Variants in ADAM19 observed in about 807,000 individuals in gnomAD.
ADAM19 encodes the protein disintegrin and metalloproteinase domain-containing protein 19.
ADAM19 carries 65 observed loss-of-function variants against 114.7 expected under a neutral mutation model. That is an observed-to-expected ratio of 0.57 (90% CI 0.46 to 0.70). The LOEUF (loss-of-function observed/expected upper bound fraction) is 0.70. Ranked by LOEUF, ADAM19 falls within the 30% of genes least tolerant of loss-of-function variation. ADAM19 has a pLI of 0.00. For missense variants in ADAM19, 1,063 were observed against 1,204.7 expected (o/e 0.88, Z 1.74); for synonymous variants, 466 against 460.5 (o/e 1.01, Z -0.15).
chr5:157,554,736 G>A (rs1317652848), intron 3 of ADAM19, among the ~76,000 whole-genome samples: 1 of 152,174 alleles, frequency 6.6e-6, no homozygotes, highest in Non-Finnish European at 1.5e-5. Flanking sequence ...TGCTCTCATA[G>A]TGCACCAGGC....
chr5:157,492,029 C>A (rs1027016508), intron 16 of ADAM19, 117 bp from the exon 17 acceptor site: 14 of 902,818 alleles, frequency 1.6e-5, no homozygotes, highest in Non-Finnish European at 2.4e-5. Flanking sequence ...TGGTGGCTCA[C>A]GCCTGTAATC....
chr5:157,571,114 C>G, intron 1 of ADAM19, 134 bp from the exon 2 acceptor site: 2 of 680,936 alleles, frequency 2.9e-6, no homozygotes, highest in Non-Finnish European at 5.0e-6. Flanking sequence ...CTTGGCACTT[C>G]CTAGGAACTA....
chr5:157,548,534 A>C (rs1581346326), intron 3 of ADAM19, among the ~76,000 whole-genome samples: 1 of 152,308 alleles, frequency 6.6e-6, no homozygotes, highest in East Asian at 1.9e-4. Flanking sequence ...CTCTGACTCA[A>C]TACCTGCCCC....
In ADAM19 at chr5:157,477,805, C is replaced by T. The variant is rs569804361; in HGVS notation, c.*3144G>A. ...CAATAAAGATTGGAAAGGCGTATTG[C>T]AGGAGGTGGGGAGGGGCTATTGCTT... On this transcript the variant is annotated 3_prime_UTR_variant, in exon 23 of 23. Transcript: ENST00000257527. 108 of 1,125,376 alleles carry T rather than the reference C, an allele frequency of 9.6e-5. No individual in the cohort carries two copies. Among genetic ancestry groups the T allele is most frequent in the Non-Finnish European group, 1.2e-4 (98 of 839,800 alleles). The allele number at this position is 1,125,376 out of a possible 1,614,324, so 69.7% of individuals were successfully genotyped here.
intron 5 of ADAM19, among the ~76,000 whole-genome samples, chr5:157,522,811 A>G (rs1278290935): frequency 1.3e-5 from 2 of 152,134 alleles, no homozygotes; most frequent in East Asian, 3.9e-4. Flanking sequence ...TACCCTGTAG[A>G]GTGAATTAGA....
At position 157,481,890 on chromosome 5, in the gene ADAM19, TG is replaced by T. The variant is rs1289333433; in HGVS notation, c.2603del (p.Pro868GlnfsTer46). 1.9e-6 allele frequency: 3 copies of T among 1,603,092 alleles called. No individual in the cohort carries two copies. Among genetic ancestry groups the T allele is most frequent in the Non-Finnish European group, 2.6e-6 (3 of 1,174,864 alleles). On this transcript the variant is annotated frameshift_variant, in exon 22 of 23. Transcript: ENST00000257527. LOFTEE classifies it high-confidence loss of function. ...CTGGCCTGGGGAGGCTCCTGCGGCC[TG>T]GCACTGGGTTTGCCGGGAGTGCCTT... ...PQKALPANPV[P>X]GRRSLPRPGG... is the part of the protein sequence containing the mutation.
chr5:157,508,068 T>C (rs183245526), intron 9 of ADAM19, among the ~76,000 whole-genome samples: 102 of 152,344 alleles, frequency 6.7e-4, no homozygotes, highest in Admixed American at 1.0e-3. Flanking sequence ...CAGACTTATC[T>C]TCAGAGAAAC....
intron 3 of ADAM19, among the ~76,000 whole-genome samples, chr5:157,539,458 T>A (rs1487255764): frequency 2.6e-5 from 4 of 152,190 alleles, no homozygotes; most frequent in African/African-American, 9.7e-5. Flanking sequence ...AGAATTCCTC[T>A]AGAGTCACTT....
chr5:157,518,601 C>T (rs1756166901), intron 7 of ADAM19, among the ~76,000 whole-genome samples: 1 of 152,238 alleles, frequency 6.6e-6, no homozygotes, highest in African/African-American at 2.4e-5. Context: ...CCAGGCTGGT[C>T]TCAAACTCCT....
chr5:157,557,696 T>C (rs969897171), intron 3 of ADAM19, among the ~76,000 whole-genome samples: 1 of 152,142 alleles, frequency 6.6e-6, no homozygotes, highest in Admixed American at 6.5e-5. Flanking sequence ...GAGGGCCCTC[T>C]CTCCGGTTCA....
chr5:157,480,265 C>T lies in ADAM19; in HGVS notation c.*684G>A, dbSNP rs985648121. ...TCACGGCTCAGAGGAAGCCCAAGCCCGGTGCTCCTCCTGCTGTCTACACTG... is the reference window on the plus strand; with the variant it reads ...TCACGGCTCAGAGGAAGCCCAAGCCTGGTGCTCCTCCTGCTGTCTACACTG... On this transcript the variant is annotated 3_prime_UTR_variant, in exon 23 of 23. Coordinates refer to ENST00000257527, the MANE Select transcript of ADAM19 (RefSeq NM_033274.5). 3.6e-5 allele frequency: 35 copies of T among 985,712 alleles called. No individual in the cohort carries two copies. The highest frequency in any genetic ancestry group is 1.1e-4 in the East Asian group (1 of 8,832). The allele number at this position is 985,712 out of a possible 1,614,324, so 61.1% of individuals were successfully genotyped here.
chr5:157,574,087 A>G (rs1296856801), intron 1 of ADAM19, among the ~76,000 whole-genome samples: 1 of 152,244 alleles, frequency 6.6e-6, no homozygotes, highest in East Asian at 1.9e-4. Context: ...TGAAAAACGC[A>G]AGACACGAAA....
intron 3 of ADAM19, among the ~76,000 whole-genome samples, chr5:157,563,054 G>A (rs963758358): frequency 6.6e-5 from 10 of 151,938 alleles, no homozygotes; most frequent in Non-Finnish European, 1.2e-4. Flanking sequence ...CGAGAGACAC[G>A]GTCAAGAACA....
intron 1 of ADAM19, 27 bp downstream of exon 1, chr5:157,575,575 CT>C: frequency 6.9e-7 from 1 of 1,445,588 alleles, no homozygotes; most frequent in Non-Finnish European, 9.1e-7. Context: ...GCCACCCAGC[CT>C]CCATCCCCCC....
intron 10 of ADAM19, 43 bp from the exon 11 acceptor site, chr5:157,505,851 T>A (rs11466770): frequency 0.1 from 162,280 of 1,593,846 alleles, 9,033 homozygotes; most frequent in South Asian, 0.18. Flanking sequence ...AGGGGACAGA[T>A]CTGCCTCTGC....
rs1490046027 is a variant in ADAM19, at chr5:157,528,320, C to G, written c.407+2487G>C. ...CACGGACAGCTCACCCGGTATCCCC[C>G]TCCCTTTCAGCACTGCTGCTGGAAT... is the stretch of plus-strand genomic sequence containing the variant. On this transcript the variant is annotated intron_variant, in intron 5 of 22. Coordinates refer to ENST00000257527, the MANE Select transcript of ADAM19 (RefSeq NM_033274.5). 2.6e-5 allele frequency among the ~76,000 whole-genome samples: 4 copies of G among 152,230 alleles called. No homozygotes were observed. In the South Asian group the frequency reaches 8.3e-4, roughly 32 times the overall value.
At chr5:157,505,568 T>C in intron 11 of ADAM19, 101 bp downstream of exon 11, 2 of 1,392,886 alleles carry the variant, frequency 1.4e-6, no homozygotes, top group Non-Finnish European at 1.9e-6. Flanking sequence ...CATCAGAAGT[T>C]TAAGGGAGTC....
At chr5:157,542,647 C>CA (rs1324903088) in intron 3 of ADAM19, among the ~76,000 whole-genome samples, 9 of 151,378 alleles carry the variant, frequency 5.9e-5, no homozygotes, top group East Asian at 1.9e-4. Flanking sequence ...CCCGTCTCTA[C>CA]AAAAAAAAAT....
chr5:157,540,819 G>A (rs1370474665), intron 3 of ADAM19, among the ~76,000 whole-genome samples: 4 of 151,996 alleles, frequency 2.6e-5, no homozygotes, highest in African/African-American at 4.8e-5. Context: ...GTTTTACTCC[G>A]GATTAAAAAC....
Sources: allele counts gnomAD v4.1 joint callset (sites outside exome capture counted in the v4.1 genomes callset), GRCh38; gene constraint gnomAD v4.1.1; transcripts MANE v1.5; gene names NCBI Gene and HGNC (gene_info 2026-07-23, HGNC 2026-07-21).